The following MYL3 variants were observed in gnomAD, a reference collection of about 807,000 sequenced individuals.
The protein encoded by MYL3 is myosin light chain 3.
In MYL3, 11 loss-of-function variants were observed where a neutral mutation model predicts 21.3. That is an observed-to-expected ratio of 0.52 (90% CI 0.32 to 0.85). The LOEUF (loss-of-function observed/expected upper bound fraction) is 0.85. Among genes scored for constraint, MYL3 ranks in the 40% least tolerant of loss-of-function variants. The pLI is 0.03. For missense variants in MYL3, 206 were observed against 253.3 expected, an observed-to-expected ratio of 0.81 and a Z score of 1.27; for synonymous variants, 88 against 91.6, an observed-to-expected ratio of 0.96 and a Z score of 0.22.
rs562599946 is a variant in MYL3 at position 46,860,525 on chromosome 3, G to A, written c.307+151C>T. 58 of 1,096,556 alleles carry A rather than the reference G, an allele frequency of 5.3e-5. No homozygotes were observed. The highest frequency in any genetic ancestry group is 6.8e-5 in the Non-Finnish European group (52 of 762,612). The allele number at this position is 1,096,556 out of a possible 1,614,324, so 67.9% of individuals were successfully genotyped here. ...AACCATTACTGCATGTCACCTGGTC[G>A]GCATGGCCCTGTGACTGGCCTCGGT... On this transcript the variant is annotated intron_variant, in intron 3 of 6. Coordinates refer to ENST00000292327, the MANE Select transcript of MYL3 (RefSeq NM_000258.3). This position sits in a 1 kb window ranked among gnomAD's most constrained non-coding sequence, Gnocchi z 4.6.
chr3:46,872,036 G>A (rs1481048977), intron 1 of MYL3, among the ~76,000 whole-genome samples: 2 of 152,200 alleles, frequency 1.3e-5, no homozygotes, highest in East Asian at 3.9e-4. Context: ...GGAGACCTCA[G>A]TGTTCACACC....
chr3:46,870,513 C>G (rs1396570100), intron 1 of MYL3, among the ~76,000 whole-genome samples: 1 of 152,118 alleles, frequency 6.6e-6, no homozygotes, highest in Non-Finnish European at 1.5e-5. Flanking sequence ...CACTCTGCCC[C>G]CGCCAGAACC....
At position 46,861,298 on chromosome 3, in the gene MYL3, C is replaced by G. The variant is rs1198086722; in HGVS notation, c.130-311G>C. Among the ~76,000 whole-genome samples, 1 of 152,218 alleles carries G rather than the reference C, an allele frequency of 6.6e-6. No individual in the cohort carries two copies. Among genetic ancestry groups the G allele is most frequent in the Non-Finnish European group, 1.5e-5 (1 of 68,030 alleles). ...GGCCTCAGGCCAGCGTGGGCCTTAC[C>G]TGATGCTCCCGGTTCTGGACAGATG... On this transcript the variant is annotated intron_variant, in intron 1 of 6. Coordinates refer to ENST00000292327, the MANE Select transcript of MYL3 (RefSeq NM_000258.3). The surrounding 1 kb of genome is among the most constrained non-coding windows in gnomAD (Gnocchi z 4.2).
intron 1 of MYL3, among the ~76,000 whole-genome samples, chr3:46,876,515 T>C (rs2030224094): frequency 6.6e-6 from 1 of 152,214 alleles, no homozygotes; most frequent in Non-Finnish European, 1.5e-5. Context: ...TTTCACTATG[T>C]CCCCTGGCCA....
intron 1 of MYL3, among the ~76,000 whole-genome samples, chr3:46,876,653 C>G (rs1339516424): frequency 6.6e-6 from 1 of 152,202 alleles, no homozygotes; most frequent in East Asian, 1.9e-4. Context: ...TCCCCAGGAG[C>G]CTGGAAGACC....
chr3:46,863,749 G>A (rs185872959), upstream of MYL3, among the ~76,000 whole-genome samples: 1 of 152,248 alleles, frequency 6.6e-6, no homozygotes, highest in Admixed American at 6.5e-5. Context: ...ACAGGGCCCT[G>A]CTGCCTCTCT....
At position 46,881,414 on chromosome 3, in the gene MYL3, C is replaced by T. The variant is rs577684571; in HGVS notation, c.-218+660G>A. Among the ~76,000 whole-genome samples the T allele has an allele frequency of 6.6e-5, 10 of 152,256 alleles. No homozygotes were observed. In the South Asian group the frequency reaches 1.9e-3, roughly 28 times the overall value. ...GTCGAGGGTCCCAGGCGGCCCGGTCCGAGCCGGCCGATAGCTTTTGGGAGT... is the reference window on the plus strand; with the variant it reads ...GTCGAGGGTCCCAGGCGGCCCGGTCTGAGCCGGCCGATAGCTTTTGGGAGT... On this transcript the variant is annotated intron_variant, in intron 1 of 3. Transcript: ENST00000431168.
chr3:46,873,299 G>A (rs187824681), intron 1 of MYL3, among the ~76,000 whole-genome samples: 1 of 152,338 alleles, frequency 6.6e-6, no homozygotes, highest in East Asian at 1.9e-4. Flanking sequence ...CAGGGAATGG[G>A]AACACAGGGC....
intron 1 of MYL3, 108 bp downstream of exon 1, chr3:46,863,154 G>C (rs372396860): frequency 1.3e-6 from 2 of 1,529,100 alleles, no homozygotes; most frequent in African/African-American, 2.8e-5. Context: ...AGCTTCCAGC[G>C]TCAGCTCAGT....
In MYL3 at chr3:46,861,471, G is replaced by A. The variant is rs1333416619; in HGVS notation, c.130-484C>T. ...GAGGGCTGGTGGCTGGAAGCATCGAGGGTGAGCACAAGTGTGCATGTTTGT... is the reference window on the plus strand; with the variant it reads ...GAGGGCTGGTGGCTGGAAGCATCGAAGGTGAGCACAAGTGTGCATGTTTGT... On this transcript the variant is annotated intron_variant, in intron 1 of 6. Transcript: ENST00000292327. This position sits in a 1 kb window ranked among gnomAD's most constrained non-coding sequence, Gnocchi z 4.2. Among the ~76,000 whole-genome samples the A allele has an allele frequency of 5.3e-5, 8 of 152,196 alleles. No individual in the cohort carries two copies. The highest frequency in any genetic ancestry group is 1.2e-4 in the Non-Finnish European group (8 of 68,034).
At chr3:46,869,829 G>GA (rs201247431) in intron 1 of MYL3, among the ~76,000 whole-genome samples, 32 of 151,412 alleles carry the variant, frequency 2.1e-4, no homozygotes, top group African/African-American at 5.8e-4. Flanking sequence ...TTTAGCAGGA[G>GA]AAAAAAAAAC....
intron 1 of MYL3, among the ~76,000 whole-genome samples, chr3:46,875,335 C>T (rs1458703526): frequency 6.6e-6 from 1 of 152,198 alleles, no homozygotes; most frequent in Non-Finnish European, 1.5e-5. Context: ...GAGGAACAGA[C>T]CAGAGACTTG....
intron 1 of MYL3, among the ~76,000 whole-genome samples, chr3:46,876,719 G>A (rs2106930350): frequency 1.3e-5 from 2 of 152,340 alleles, no homozygotes; most frequent in East Asian, 3.9e-4. Flanking sequence ...GGGGCCAGCT[G>A]CCTCACATGC....
chr3:46,871,103 C>T (rs1490507903), intron 1 of MYL3, among the ~76,000 whole-genome samples: 2 of 152,202 alleles, frequency 1.3e-5, no homozygotes, highest in Non-Finnish European at 2.9e-5. Context: ...CTCCCACATA[C>T]ACCTAATGCA....
intron 1 of MYL3, among the ~76,000 whole-genome samples, chr3:46,881,667 C>G (rs1447862295): frequency 6.6e-6 from 1 of 150,540 alleles, no homozygotes; most frequent in Non-Finnish European, 1.5e-5. Context: ...GGCCTAGGGC[C>G]GAGAGGAACG....
intron 4 of MYL3, 31 bp from the exon 5 acceptor site, chr3:46,858,492 G>T (rs199880546): frequency 5.0e-6 from 8 of 1,603,582 alleles, no homozygotes; most frequent in Non-Finnish European, 6.0e-6. Flanking sequence ...AGTCAGCACC[G>T]TGCGTGCAGA....
chr3:46,872,553 T>C (rs956839728), intron 1 of MYL3, among the ~76,000 whole-genome samples: 2 of 151,978 alleles, frequency 1.3e-5, no homozygotes, highest in Middle Eastern at 3.4e-3. Flanking sequence ...CCATCATTGA[T>C]TGCGGCTGCC....
intron 1 of MYL3, among the ~76,000 whole-genome samples, chr3:46,862,389 C>G (rs962370879): frequency 1.3e-5 from 2 of 152,192 alleles, no homozygotes; most frequent in African/African-American, 4.8e-5. Context: ...GGATTTGAAC[C>G]CTTGCCTCAA....
Position 46,859,403 on chromosome 3 carries a change from G to C in MYL3, c.481+72C>G. On this transcript the variant is annotated intron_variant, in intron 4 of 6. Transcript: ENST00000292327. This position sits in a 1 kb window ranked among gnomAD's most constrained non-coding sequence, Gnocchi z 4.1. ...CATTTCACCAATGGGTCACAGGCCT[G>C]GGGGGCAACAGAGTGGTTTCTCCCA... 1 of 1,590,252 alleles carries C rather than the reference G, an allele frequency of 6.3e-7. No homozygotes were observed. Among genetic ancestry groups the C allele is most frequent in the Non-Finnish European group, 8.6e-7 (1 of 1,160,588 alleles).
Sources: gnomAD v4.1 joint callset for allele counts (sites outside exome capture counted in the v4.1 genomes callset) on GRCh38, gnomAD v4.1.1 for gene constraint, Gnocchi (gnomAD v3.1) non-coding constraint, MANE v1.5 for transcripts, NCBI Gene and HGNC (gene_info 2026-07-23, HGNC 2026-07-21) for gene names.